The following GNAO1 variants were observed in gnomAD, a reference collection of about 807,000 sequenced individuals.
GNAO1 encodes guanine nucleotide-binding protein G(o) subunit alpha.
For missense variants in GNAO1, 166 were observed against 478.7 expected (o/e 0.35, Z 6.10); for synonymous variants, 164 against 180.7 (o/e 0.91, Z 0.74).
rs578162428 is a variant in GNAO1, at chr16:56,224,367, C to T, written c.161+31751C>T. On this transcript the variant is annotated intron_variant, in intron 2 of 8. Coordinates refer to ENST00000262493, the MANE Select transcript of GNAO1 (RefSeq NM_020988.3). ...GGCTTCTCTAGACCTCCTTAGGCTG[C>T]TACCCGGTAGGATAGCAGCCAGATA... Among the ~76,000 whole-genome samples the T allele has an allele frequency of 1.3e-3, 205 of 152,322 alleles. 2 individuals are homozygous for T. The highest frequency in any genetic ancestry group is 5.4e-3 in the South Asian group (26 of 4,822).
intron 2 of GNAO1, among the ~76,000 whole-genome samples, chr16:56,234,444 C>A (rs1220366223): frequency 6.6e-6 from 1 of 152,234 alleles, no homozygotes; most frequent in African/African-American, 2.4e-5. Flanking sequence ...TGAATACTGT[C>A]TTTAGGGAAG....
rs543764725 is a variant in GNAO1 at position 56,354,891 on chromosome 16, C to T, written c.903C>T (p.Ala301=). 1.1e-5 allele frequency: 17 copies of T among 1,612,782 alleles called. No homozygotes were observed. The highest frequency in any genetic ancestry group is 1.7e-4 in the Middle Eastern group (1 of 6,058). ...GCCCCAATACCTATGAAGACGCAGC[C>T]GCCTACATCCAAGCACAATTTGAAA... The part of the protein sequence containing the change: ...YTGPNTYEDA[A]AYIQAQFESK... Residue 301 remains alanine, a synonymous_variant, in exon 8 of 9, where the codon GCC becomes GCT. Coordinates refer to ENST00000262493, the MANE Select transcript of GNAO1 (RefSeq NM_020988.3). The surrounding 1 kb of genome is among the most constrained non-coding windows in gnomAD (Gnocchi z 4.3).
intron 6 of GNAO1, chr16:56,343,893 T>G (rs903948500): frequency 3.1e-6 from 5 of 1,614,076 alleles, no homozygotes; most frequent in Non-Finnish European, 4.2e-6. Flanking sequence ...AGTTTGTCTT[T>G]GATGCTGTGA....
intron 2 of GNAO1, among the ~76,000 whole-genome samples, chr16:56,206,589 C>A (rs1320622236): frequency 2.0e-5 from 3 of 152,154 alleles, no homozygotes; most frequent in African/African-American, 7.2e-5. Context: ...TAAATATTTT[C>A]TCTCGTAATT....
intron 2 of GNAO1, among the ~76,000 whole-genome samples, chr16:56,196,143 C>CA (rs1247866189): frequency 6.6e-6 from 1 of 152,090 alleles, no homozygotes; most frequent in Non-Finnish European, 1.5e-5. Flanking sequence ...GGTTCCCCCC[C>CA]CCTTGTGTGT....
chr16:56,236,292 G>C (rs1222686141), intron 2 of GNAO1, among the ~76,000 whole-genome samples: 1 of 152,160 alleles, frequency 6.6e-6, no homozygotes, highest in Non-Finnish European at 1.5e-5. Context: ...AAGAGAGCCT[G>C]GGTTAACTGT....
At chr16:56,222,558 G>A (rs1295305633) in intron 2 of GNAO1, among the ~76,000 whole-genome samples, 1 of 152,144 alleles carries the variant, frequency 6.6e-6, no homozygotes, top group African/African-American at 2.4e-5. Flanking sequence ...CAGAACAAAA[G>A]CATACAAGCT....
intron 2 of GNAO1, among the ~76,000 whole-genome samples, chr16:56,237,906 G>A (rs1381808146): frequency 6.6e-6 from 1 of 152,168 alleles, no homozygotes; most frequent in Non-Finnish European, 1.5e-5. Flanking sequence ...TAGGTTCCTG[G>A]GGTACCACTT....
intron 3 of GNAO1, among the ~76,000 whole-genome samples, chr16:56,323,440 C>T (rs1235108336): frequency 6.6e-6 from 1 of 152,152 alleles, no homozygotes; most frequent in African/African-American, 2.4e-5. Flanking sequence ...GTTTTTGGAT[C>T]ACTATTCCAC....
intron 2 of GNAO1, among the ~76,000 whole-genome samples, chr16:56,237,175 C>T (rs2036645625): frequency 6.6e-6 from 1 of 152,116 alleles, no homozygotes. Context: ...ATTGTACATG[C>T]TATCAACCAG....
At chr16:56,348,284 C>G in intron 6 of GNAO1, 1 of 685,732 alleles carries the variant, frequency 1.5e-6, no homozygotes, top group Non-Finnish European at 1.8e-6. Context: ...CTGCCCCATC[C>G]TGGTCCCAGG....
chr16:56,293,860 A>G (rs1244417871), intron 3 of GNAO1, among the ~76,000 whole-genome samples: 1 of 152,080 alleles, frequency 6.6e-6, no homozygotes, highest in East Asian at 1.9e-4. Context: ...ACCTCTCTGC[A>G]CCTTTCCTCC....
At chr16:56,313,428 T>A (rs1243572010) in intron 3 of GNAO1, among the ~76,000 whole-genome samples, 1 of 152,170 alleles carries the variant, frequency 6.6e-6, no homozygotes, top group Non-Finnish European at 1.5e-5. Context: ...AAAATTTTTA[T>A]GGAAAAGTAC....
intron 2 of GNAO1, among the ~76,000 whole-genome samples, chr16:56,241,664 A>G (rs2036695265): frequency 6.6e-6 from 1 of 152,240 alleles, no homozygotes; most frequent in South Asian, 2.1e-4. Context: ...CAAGCAAATG[A>G]AGCATAATGG....
chr16:56,215,711 A>G (rs1403384420), intron 2 of GNAO1, among the ~76,000 whole-genome samples: 2 of 152,190 alleles, frequency 1.3e-5, no homozygotes, highest in Non-Finnish European at 2.9e-5. Context: ...AGAGTGGTCC[A>G]TTTACATTGC....
At position 56,327,262 on chromosome 16, in the gene GNAO1, C is replaced by T. The variant is rs898690437; in HGVS notation, c.304-1369C>T. Among the ~76,000 whole-genome samples the T allele has an allele frequency of 8.5e-5, 13 of 152,076 alleles. No individual in the cohort carries two copies. The East Asian group carries it at 1.5e-3, about 18-fold the overall frequency. ...GTATTCATGGCGATGGCAGGGCCCA[C>T]GAGGACCAGCAGAAACACGGCCTCT... On this transcript the variant is annotated intron_variant, in intron 3 of 8. Coordinates refer to ENST00000262493, the MANE Select transcript of GNAO1 (RefSeq NM_020988.3).
At chr16:56,293,922 A>G (rs930571464) in intron 3 of GNAO1, among the ~76,000 whole-genome samples, 10 of 152,200 alleles carry the variant, frequency 6.6e-5, no homozygotes, top group African/African-American at 2.4e-4. Context: ...TGGTGTGTCA[A>G]GTGATTAACA....
chr16:56,272,628 A>T (rs1252431493), intron 2 of GNAO1, among the ~76,000 whole-genome samples: 3 of 152,146 alleles, frequency 2.0e-5, no homozygotes, highest in Admixed American at 2.0e-4. Flanking sequence ...GAGCTTGGAG[A>T]CCTGTATCCT....
chr16:56,267,420 G>A lies in GNAO1; in HGVS notation c.162-8511G>A, dbSNP rs1415401252. The stretch of plus-strand genomic sequence containing the variant: ...GGGGTCTCTGGCTTCCGGTCCCACC[G>A]GCCAGCACGTGAGCTGCCTTCATGC... On this transcript the variant is annotated intron_variant, in intron 2 of 8. Transcript: ENST00000262493. Among the ~76,000 whole-genome samples, 5 of 152,048 alleles carry A rather than the reference G, an allele frequency of 3.3e-5. No individual in the cohort carries two copies. In the East Asian group the frequency reaches 5.8e-4, roughly 18 times the overall value.
Sources: allele counts gnomAD v4.1 joint callset (sites outside exome capture counted in the v4.1 genomes callset), GRCh38; gene constraint gnomAD v4.1.1; non-coding constraint Gnocchi (gnomAD v3.1); transcripts MANE v1.5; gene names NCBI Gene and HGNC (gene_info 2026-07-23, HGNC 2026-07-21).